Variants in TAF1D observed in about 807,000 individuals in gnomAD.
TAF1D encodes TATA-box binding protein associated factor, RNA polymerase I subunit D.
In TAF1D, 23 loss-of-function variants were observed where a neutral mutation model predicts 26.2. That is an observed-to-expected ratio of 0.88 (90% CI 0.63 to 1.25). TAF1D has a LOEUF of 1.25. TAF1D is among the 50% of genes most tolerant of loss of function. TAF1D has a pLI of 0.00. For synonymous variants in TAF1D, 100 were observed against 105.6 expected, an observed-to-expected ratio of 0.95 and a Z score of 0.33; for missense variants, 299 against 322.0, an observed-to-expected ratio of 0.93 and a Z score of 0.55.
chr11:93,738,702 A>T (rs1056392196), intron 2 of TAF1D, among the ~76,000 whole-genome samples: 4 of 152,130 alleles, frequency 2.6e-5, no homozygotes, highest in Non-Finnish European at 5.9e-5. Context: ...TACAGCTCTT[A>T]TTAAAGAGTT....
chr11:93,740,522 G>C (rs905639908), intron 1 of TAF1D, among the ~76,000 whole-genome samples: 3 of 146,966 alleles, frequency 2.0e-5, no homozygotes, highest in Non-Finnish European at 4.5e-5. Flanking sequence ...ACATGCCTTA[G>C]TCAATCTCTT....
chr11:93,736,623 A>C lies in TAF1D; in HGVS notation c.693+71T>G, dbSNP rs78338812. ...TAAATGAAGTGTAAGAGAAAAACTA[A>C]ATATAATTCCTTCTGTATCAACCAA... On this transcript the variant is annotated intron_variant, in intron 5 of 5. Transcript: ENST00000448108. The C allele has an allele frequency of 5.9e-3, 9,272 of 1,559,648 alleles. 20 individuals carry two copies. Among genetic ancestry groups the C allele is most frequent in the Non-Finnish European group, 6.8e-3 (7,939 of 1,159,714 alleles).
Position 93,738,349 on chromosome 11 carries a change from T to C in TAF1D, c.219A>G (p.Ile73Met). 3 of 1,613,834 alleles carry C rather than the reference T, an allele frequency of 1.9e-6. No homozygotes were observed. The highest frequency in any genetic ancestry group is 1.7e-6 in the Non-Finnish European group (2 of 1,179,944). ...DSSSDSSFEP[I>M]PLTIKAIFER... ...CAAAAATAGCTTTTATAGTCAATGG[T>C]ATTGGTTCAAAAGATGAGTCACTTG... is the stretch of plus-strand genomic sequence containing the variant. The change falls in exon 3 of 6, where the codon ATA becomes ATG. Residue 73 changes from isoleucine (I) to methionine (M), a missense_variant. Physicochemically the swap from Ile to Met is conservative, Grantham distance 10. Coordinates refer to ENST00000448108, the MANE Select transcript of TAF1D (RefSeq NM_024116.4).
At position 93,735,936 on chromosome 11, in the gene TAF1D, A is replaced by G; in HGVS notation, c.*225T>C. ...AAATGACAATTTCTCAAATTTTTCT[A>G]TGTATTTTCTCTGGTGTTTTAATGG... is the stretch of plus-strand genomic sequence containing the variant. On this transcript the variant is annotated 3_prime_UTR_variant, in exon 6 of 6. Coordinates refer to ENST00000448108, the MANE Select transcript of TAF1D (RefSeq NM_024116.4). 1 of 1,291,264 alleles carries G rather than the reference A, an allele frequency of 7.7e-7. No individual in the cohort carries two copies. 80.0% of individuals were successfully genotyped at this position (1,291,264 alleles called of 1,614,324 possible).
At chr11:93,741,031 A>G (rs1207744564) in intron 1 of TAF1D, among the ~76,000 whole-genome samples, 1 of 152,250 alleles carries the variant, frequency 6.6e-6, no homozygotes, top group African/African-American at 2.4e-5. Flanking sequence ...TACCTCACAT[A>G]CGAAGGTTAA....
downstream of TAF1D, chr11:93,732,444 G>A (rs1591234238): frequency 1.9e-6 from 1 of 519,038 alleles, no homozygotes; most frequent in East Asian, 5.4e-5. Context: ...CTATAGCACT[G>A]ACCTTTGAAC....
Position 93,736,265 on chromosome 11 carries a change from G to A in TAF1D, c.733C>T (p.Leu245=). The A allele has an allele frequency of 6.2e-7, 1 of 1,611,564 alleles. No individual in the cohort carries two copies. Among genetic ancestry groups the A allele is most frequent in the South Asian group, 1.1e-5 (1 of 90,466 alleles). ...FIVSSEFPVR[L]SVYLEEEDIT... ...TCCTCTTCTTCTAAGTATACACTCA[G>A]TCTTACAGGGAATTCAGAACTTACT... is the stretch of plus-strand genomic sequence containing the variant. Residue 245 remains leucine, a synonymous_variant, in exon 6 of 6, where the codon CTG becomes TTG. Coordinates refer to ENST00000448108, the MANE Select transcript of TAF1D (RefSeq NM_024116.4).
Position 93,738,495 on chromosome 11 carries a change from T to G in TAF1D, c.73A>C (p.Asn25His). The G allele has an allele frequency of 3.8e-6, 6 of 1,559,236 alleles. No homozygotes were observed. The South Asian group carries it at 7.3e-5, about 19-fold the overall frequency. The part of the protein sequence containing the change: ...DAVELANRSD[N>H]SSDSSLFKTQ... ...TTAAATAAGCTGCTATCAGAAGAGT[T>G]ATCACTAGAAAAATGGGAAAAAAAT... Residue 25 changes from asparagine (N) to histidine (H), a missense_variant, in exon 3 of 6, where the codon AAC (asparagine) becomes CAC (histidine). Asn to His is a moderately conservative substitution (Grantham distance 68). Transcript: ENST00000448108.
chr11:93,731,451 C>T, downstream of TAF1D: 1 of 514,382 alleles, frequency 1.9e-6, no homozygotes, highest in Non-Finnish European at 3.9e-6. Context: ...GTAACTTTTA[C>T]CTTTGAGCTT....
At chr11:93,737,991 A>C in intron 3 of TAF1D, 118 bp downstream of exon 3, 1 of 1,184,454 alleles carries the variant, frequency 8.4e-7, no homozygotes, top group Non-Finnish European at 1.2e-6. Context: ...AGTATAGAAG[A>C]GTATCAAAAT....
downstream of TAF1D, chr11:93,733,066 TAA>T (rs796488686): frequency 4.7e-5 from 16 of 340,710 alleles, no homozygotes; most frequent in African/African-American, 3.4e-4. Flanking sequence ...TTGATTATTA[TAA>T]GTTAAATATT....
At chr11:93,734,647 C>A, downstream of TAF1D, 1 of 1,022,896 alleles carries the variant, frequency 9.8e-7, no homozygotes, top group South Asian at 1.3e-5. Flanking sequence ...ACACCATGTT[C>A]TCAAGATAAA....
chr11:93,735,251 T>G (rs1025217145), downstream of TAF1D: 2 of 1,339,760 alleles, frequency 1.5e-6, no homozygotes, highest in Non-Finnish European at 2.0e-6. Flanking sequence ...CAAAATGCAC[T>G]ACATAGCAGA....
chr11:93,739,505 A>G (rs1241083723), intron 1 of TAF1D, among the ~76,000 whole-genome samples, 174 bp from the exon 2 acceptor site: 2 of 152,214 alleles, frequency 1.3e-5, no homozygotes, highest in African/African-American at 4.8e-5. Context: ...CAGAAATTCT[A>G]TTCACAGGTT....
At chr11:93,733,148 A>C, downstream of TAF1D, 2 of 490,768 alleles carry the variant, frequency 4.1e-6, no homozygotes, top group Middle Eastern at 3.5e-4. Context: ...TTAAAGATTT[A>C]GAAAGGATAC....
At position 93,735,753 on chromosome 11, in the gene TAF1D, T is replaced by C; in HGVS notation, c.*408A>G. 9.5e-7 allele frequency: 1 copy of C among 1,049,998 alleles called. No individual in the cohort carries two copies. Among genetic ancestry groups the C allele is most frequent in the African/African-American group, 1.7e-5 (1 of 57,730 alleles). The allele number at this position is 1,049,998 out of a possible 1,614,324, so 65.0% of individuals were successfully genotyped here. On this transcript the variant is annotated 3_prime_UTR_variant, in exon 6 of 6. Transcript: ENST00000448108. ...TAAGCATCTGACAGGTCACTTGTCA[T>C]GGCTGAACAAAGCTGGGATAAAATT...
intron 5 of TAF1D, 49 bp downstream of exon 5, chr11:93,736,645 C>G: frequency 1.3e-6 from 2 of 1,599,918 alleles, no homozygotes; most frequent in East Asian, 2.3e-5. Flanking sequence ...TCTGTATCAA[C>G]CAACTCCTGC....
chr11:93,741,301 C>G (rs1402152288), intron 1 of TAF1D, 21 bp downstream of exon 1: 1 of 456,280 alleles, frequency 2.2e-6, no homozygotes, highest in Non-Finnish European at 4.4e-6. Flanking sequence ...CCCGGACGGC[C>G]TCGCCCTCTT....
downstream of TAF1D, chr11:93,735,213 T>G (rs370000007): frequency 2.0e-4 from 277 of 1,351,794 alleles, no homozygotes; most frequent in African/African-American, 3.8e-3. Context: ...TTGTCCACGT[T>G]AAACAAAAAC....
Sources: allele counts gnomAD v4.1 joint callset (sites outside exome capture counted in the v4.1 genomes callset), GRCh38; gene constraint gnomAD v4.1.1; transcripts MANE v1.5; gene names NCBI Gene and HGNC (gene_info 2026-07-23, HGNC 2026-07-21).